The following RBFOX1 variants were observed in gnomAD, a reference collection of about 807,000 sequenced individuals.
RBFOX1 encodes the protein RNA binding fox-1 homolog 1, also known as RNA binding protein fox-1 homolog 1.
A neutral mutation model predicts 57.7 loss-of-function variants in RBFOX1; 8 were observed. That is an observed-to-expected ratio of 0.14 (90% CI 0.08 to 0.25). RBFOX1 has a LOEUF of 0.25. Ranked by LOEUF, RBFOX1 falls within the 10% of genes least tolerant of loss-of-function variation. RBFOX1 has a pLI of 1.00. For synonymous variants in RBFOX1, 326 were observed against 222.4 expected (o/e 1.47, Z -4.15); for missense variants, 611 against 548.5 (o/e 1.11, Z -1.14).
intron 3 of RBFOX1, among the ~76,000 whole-genome samples, chr16:5,622,982 G>T (rs73527639): frequency 0.084 from 12,848 of 152,182 alleles, 1,554 homozygotes; most frequent in African/African-American, 0.27. Flanking sequence ...AAGTATATGG[G>T]AGGATGTCTG....
chr16:6,096,917 A>G (rs1387185669), intron 1 of RBFOX1, among the ~76,000 whole-genome samples: 1 of 152,152 alleles, frequency 6.6e-6, no homozygotes, highest in Non-Finnish European at 1.5e-5. Flanking sequence ...CACCTGTTGC[A>G]TTTTAATGAC....
chr16:7,274,830 G>A (rs1439123027), intron 4 of RBFOX1, among the ~76,000 whole-genome samples: 1 of 151,942 alleles, frequency 6.6e-6, no homozygotes, highest in Non-Finnish European at 1.5e-5. Context: ...AATTACAGGT[G>A]TGTGCCACCA....
intron 1 of RBFOX1, among the ~76,000 whole-genome samples, chr16:5,355,749 T>C (rs899753569): frequency 4.6e-5 from 7 of 152,138 alleles, no homozygotes; most frequent in African/African-American, 1.7e-4. Context: ...CAGGATGAGA[T>C]GGTCCTGGAT....
rs79097817 is a variant in RBFOX1, at chr16:7,444,904, C to A, written c.28-73243C>A. 7.9e-5 allele frequency among the ~76,000 whole-genome samples: 12 copies of A among 152,222 alleles called. 1 individual carries two copies. In the East Asian group the frequency reaches 2.1e-3, roughly 27 times the overall value. On this transcript the variant is annotated intron_variant, in intron 4 of 15. Transcript: ENST00000550418. ...TGCAGATAGATAGACAGTTACTACGCGTAACAGCTTACCATGAATTCTAAG... is the reference window on the plus strand; with the variant it reads ...TGCAGATAGATAGACAGTTACTACGAGTAACAGCTTACCATGAATTCTAAG...
chr16:7,241,389 G>A (rs1033920610), intron 4 of RBFOX1, among the ~76,000 whole-genome samples: 7 of 152,266 alleles, frequency 4.6e-5, no homozygotes, highest in Non-Finnish European at 1.0e-4. Flanking sequence ...TGTAGGATTA[G>A]GGGATTTGCA....
At chr16:5,528,076 G>C (rs2044313481) in intron 2 of RBFOX1, among the ~76,000 whole-genome samples, 1 of 152,126 alleles carries the variant, frequency 6.6e-6, no homozygotes, top group Non-Finnish European at 1.5e-5. Flanking sequence ...CATGGATTTA[G>C]TCGTCCTGGA....
chr16:6,809,635 A>G (rs952972663), intron 3 of RBFOX1, among the ~76,000 whole-genome samples: 1 of 152,178 alleles, frequency 6.6e-6, no homozygotes, highest in African/African-American at 2.4e-5. Flanking sequence ...GTCCATAGGA[A>G]CACAGCATAG....
intron 5 of RBFOX1, among the ~76,000 whole-genome samples, chr16:7,526,882 T>G (rs537186275): frequency 6.6e-5 from 10 of 152,304 alleles, no homozygotes; most frequent in African/African-American, 2.2e-4. Flanking sequence ...AAAACAGGCA[T>G]GTCAGACCAA....
intron 1 of RBFOX1, among the ~76,000 whole-genome samples, chr16:5,350,434 C>G (rs1245370496): frequency 6.6e-6 from 1 of 152,096 alleles, no homozygotes; most frequent in Non-Finnish European, 1.5e-5. Flanking sequence ...GGTGAGGTGT[C>G]CCTAGTCAGA....
chr16:6,936,716 A>C (rs1037368796), intron 3 of RBFOX1, among the ~76,000 whole-genome samples: 7 of 152,270 alleles, frequency 4.6e-5, no homozygotes, highest in Non-Finnish European at 1.0e-4. Context: ...TATTAAAACA[A>C]AAACTCATAC....
intron 1 of RBFOX1, among the ~76,000 whole-genome samples, chr16:6,139,425 A>T (rs947619768): frequency 2.0e-5 from 3 of 152,102 alleles, no homozygotes; most frequent in Admixed American, 2.0e-4. Context: ...GAGACTTTTG[A>T]CCACCCGCTG....
intron 3 of RBFOX1, among the ~76,000 whole-genome samples, chr16:6,819,159 C>T (rs2090763443): frequency 6.6e-6 from 1 of 152,168 alleles, no homozygotes; most frequent in Non-Finnish European, 1.5e-5. Flanking sequence ...TATTTGACCC[C>T]TGTGAGCCTT....
chr16:7,279,763 G>T (rs2095505950), intron 4 of RBFOX1, among the ~76,000 whole-genome samples: 1 of 152,204 alleles, frequency 6.6e-6, no homozygotes, highest in African/African-American at 2.4e-5. Flanking sequence ...TCTCTGGAAA[G>T]AGCTCATAGT....
intron 1 of RBFOX1, among the ~76,000 whole-genome samples, chr16:6,047,263 AC>A (rs1555487064): frequency 2.0e-5 from 3 of 151,496 alleles, no homozygotes; most frequent in Non-Finnish European, 4.4e-5. Flanking sequence ...AGGTTAGCCA[AC>A]CCCACACAAA....
chr16:6,527,259 T>C (rs896068112), intron 2 of RBFOX1, among the ~76,000 whole-genome samples: 1 of 152,138 alleles, frequency 6.6e-6, no homozygotes, highest in Non-Finnish European at 1.5e-5. Flanking sequence ...CAGTTTGTTT[T>C]GTATTTTTTG....
At chr16:5,846,617 C>G (rs533200755) in intron 3 of RBFOX1, among the ~76,000 whole-genome samples, 1 of 152,246 alleles carries the variant, frequency 6.6e-6, no homozygotes, top group Admixed American at 6.5e-5. Flanking sequence ...CAACCCTGTC[C>G]CAAGGAACAG....
At chr16:7,053,356 C>G (rs145275219) in intron 4 of RBFOX1, among the ~76,000 whole-genome samples, 4 of 152,302 alleles carry the variant, frequency 2.6e-5, no homozygotes, top group African/African-American at 9.6e-5. Context: ...ATGGAACAGA[C>G]TTCAAGATTT....
chr16:6,072,589 C>T (rs2095850218), intron 1 of RBFOX1, among the ~76,000 whole-genome samples: 1 of 151,462 alleles, frequency 6.6e-6, no homozygotes, highest in Non-Finnish European at 1.5e-5. Context: ...AAAAGGGTTC[C>T]AGTTTTTCCA....
intron 1 of RBFOX1, among the ~76,000 whole-genome samples, chr16:5,441,399 G>C (rs921774903): frequency 7.0e-6 from 1 of 142,262 alleles, no homozygotes; most frequent in Non-Finnish European, 1.5e-5. Flanking sequence ...GAGTCTCGCA[G>C]TGTCACCTAG....
Sources: allele counts gnomAD v4.1 joint callset (sites outside exome capture counted in the v4.1 genomes callset), GRCh38; gene constraint gnomAD v4.1.1; transcripts MANE v1.5; gene names NCBI Gene and HGNC (gene_info 2026-07-23, HGNC 2026-07-21).